LTN1: variants seen among roughly 807,000 people sequenced by gnomAD.
LTN1 encodes the protein listerin E3 ubiquitin protein ligase 1, also known as E3 ubiquitin-protein ligase listerin.
Under a neutral mutation model 201.2 loss-of-function variants are expected in LTN1, and 88 were observed. That is an observed-to-expected ratio of 0.44 (90% CI 0.37 to 0.52). The LOEUF is 0.52. Among genes scored for constraint, LTN1 ranks in the 20% least tolerant of loss-of-function variants. LTN1 has a pLI of 0.00. For synonymous variants in LTN1, 645 were observed against 713.5 expected, an observed-to-expected ratio of 0.90 and a Z score of 1.53; for missense variants, 1,752 against 2,038.7, an observed-to-expected ratio of 0.86 and a Z score of 2.71.
At chr21:28,974,351 T>G (rs768892378) in intron 6 of LTN1, among the ~76,000 whole-genome samples, 9 of 152,132 alleles carry the variant, frequency 5.9e-5, no homozygotes, top group Non-Finnish European at 1.2e-4. Flanking sequence ...AATTTTAAAA[T>G]GGACCAAAAA....
intron 26 of LTN1, among the ~76,000 whole-genome samples, chr21:28,936,300 A>C (rs139902640): frequency 0.013 from 1,935 of 152,218 alleles, 55 homozygotes; most frequent in African/African-American, 0.044. Flanking sequence ...AAAAGTTAAT[A>C]GTCTCACCAC....
Position 28,970,598 on chromosome 21 carries a change from G to T in LTN1, c.1129C>A (p.Pro377Thr), listed in dbSNP as rs2084565861. The change falls in exon 8 of 30, where the codon CCA (proline) becomes ACA (threonine). Residue 377 changes from proline (P) to threonine (T), a missense_variant. Coordinates refer to ENST00000361371, the MANE Select transcript of LTN1 (RefSeq NM_015565.3). The stretch of plus-strand genomic sequence containing the variant: ...AAATTTTTGAAGAAATCCAACTTTG[G>T]ATTTGTGATGGACTGAGGGAGCTTG... The part of the protein sequence containing the change: ...ISKLPQSITN[P>T]KLDFFKNFLT... 22 of 1,613,594 alleles carry T rather than the reference G, an allele frequency of 1.4e-5. No homozygotes were observed. Among genetic ancestry groups the T allele is most frequent in the Non-Finnish European group, 1.8e-5 (21 of 1,179,916 alleles).
chr21:28,969,367 C>T, intron 9 of LTN1, 99 bp downstream of exon 9: 1 of 989,066 alleles, frequency 1.0e-6, no homozygotes, highest in Non-Finnish European at 1.4e-6. Flanking sequence ...AAAATTTTTA[C>T]AAGGAAGGCT....
At position 28,928,404 on chromosome 21, in the gene LTN1, A is replaced by G. The variant is rs2084185599; in HGVS notation, c.*2044T>C. 6.6e-6 allele frequency: 1 copy of G among 152,376 alleles called. No individual in the cohort carries two copies. The allele number at this position is 152,376 out of a possible 1,614,324, so 9.4% of individuals were successfully genotyped here. ...TGTACATACATTGGAGCATGTGATAAAAGAGTCAAAAATAAATTTTAAAAT... is the reference window on the plus strand; with the variant it reads ...TGTACATACATTGGAGCATGTGATAGAAGAGTCAAAAATAAATTTTAAAAT... On this transcript the variant is annotated 3_prime_UTR_variant, in exon 30 of 30. Coordinates refer to ENST00000361371, the MANE Select transcript of LTN1 (RefSeq NM_015565.3).
At chr21:28,963,953 T>C (rs1306857087) in intron 11 of LTN1, among the ~76,000 whole-genome samples, 1 of 152,176 alleles carries the variant, frequency 6.6e-6, no homozygotes, top group Non-Finnish European at 1.5e-5. Context: ...ACATGAAGCC[T>C]CAAGATGTGA....
chr21:28,954,344 A>G (rs2084407464), intron 16 of LTN1, among the ~76,000 whole-genome samples: 2 of 152,162 alleles, frequency 1.3e-5, no homozygotes, highest in African/African-American at 4.8e-5. Flanking sequence ...CTTACAAACA[A>G]GACTGATACA....
intron 11 of LTN1, chr21:28,960,957 T>TA (rs1378708191): frequency 3.2e-6 from 1 of 310,142 alleles, no homozygotes; most frequent in Non-Finnish European, 5.9e-6. Flanking sequence ...CTTTTTTTTT[T>TA]AACTTAAAAT....
chr21:28,967,069 T>G lies in LTN1; in HGVS notation c.1422A>C (p.Glu474Asp). The G allele has an allele frequency of 1.2e-6, 2 of 1,614,158 alleles. No individual in the cohort carries two copies. The highest frequency in any genetic ancestry group is 1.7e-6 in the Non-Finnish European group (2 of 1,180,032). The change falls in exon 10 of 30, where the codon GAA becomes GAC. Residue 474 changes from glutamate to aspartate, a missense_variant. Around this residue, in one of 3 missense-constraint regions of LTN1, gnomAD observed 1,211 missense variants for 1,312.8 expected, o/e 0.92. Coordinates refer to ENST00000361371, the MANE Select transcript of LTN1 (RefSeq NM_015565.3). ...LSSWEAKADT[E>D]KDEKTAHNLE... ...AGTTGTGAGCTGTTTTTTCATCTTT[T>G]TCCGTGTCTGCTTTGGCTTCCCAGG...
At chr21:28,985,388 G>C (rs2084690393) in intron 3 of LTN1, among the ~76,000 whole-genome samples, 2 of 151,530 alleles carry the variant, frequency 1.3e-5, no homozygotes, top group African/African-American at 4.9e-5. Flanking sequence ...TTGAACCCAG[G>C]AGACAAGGTT....
At position 28,930,282 on chromosome 21, in the gene LTN1, A is replaced by G; in HGVS notation, c.*166T>C. The stretch of plus-strand genomic sequence containing the variant: ...ACATTTACAAAGCAATCTAAAGTTA[A>G]GTAAACCTGATTTTAGGATTATTAC... On this transcript the variant is annotated 3_prime_UTR_variant, in exon 30 of 30. Coordinates refer to ENST00000361371, the MANE Select transcript of LTN1 (RefSeq NM_015565.3). The G allele has an allele frequency of 2.2e-6, 1 of 448,296 alleles. No homozygotes were observed. Among genetic ancestry groups the G allele is most frequent in the Non-Finnish European group, 4.0e-6 (1 of 247,994 alleles). The allele number at this position is 448,296 out of a possible 1,614,324, so 27.8% of individuals were successfully genotyped here.
intron 26 of LTN1, among the ~76,000 whole-genome samples, chr21:28,935,801 C>T (rs1360132512): frequency 2.0e-5 from 3 of 146,656 alleles, no homozygotes; most frequent in Non-Finnish European, 4.4e-5. Context: ...GATCACGCCA[C>T]TGCACTCCGG....
chr21:28,930,590 T>C, intron 29 of LTN1, 80 bp from the exon 30 acceptor site: 2 of 854,356 alleles, frequency 2.3e-6, no homozygotes, highest in Non-Finnish European at 3.7e-6. Flanking sequence ...CACATACATC[T>C]ATAGTAACCT....
chr21:28,931,679 A>G (rs2084212112), intron 28 of LTN1, among the ~76,000 whole-genome samples: 1 of 152,194 alleles, frequency 6.6e-6, no homozygotes, highest in Non-Finnish European at 1.5e-5. Context: ...TTCCAGCTCT[A>G]CAATATTGGT....
At chr21:28,992,354 T>C (rs1236873710) in intron 1 of LTN1, among the ~76,000 whole-genome samples, 3 of 152,168 alleles carry the variant, frequency 2.0e-5, no homozygotes, top group Non-Finnish European at 4.4e-5. Context: ...GAAGCCACTG[T>C]AGGTAGCAAA....
At position 28,984,677 on chromosome 21, in the gene LTN1, G is replaced by T; in HGVS notation, c.576+15C>A. On this transcript the variant is annotated intron_variant, in intron 4 of 29. Coordinates refer to ENST00000361371, the MANE Select transcript of LTN1 (RefSeq NM_015565.3). ...TAAAAAAAAAAAATAGATTCAGAATGATTCCAGAACTTACACTTGTAATTT... is the reference window on the plus strand; with the variant it reads ...TAAAAAAAAAAAATAGATTCAGAATTATTCCAGAACTTACACTTGTAATTT... The T allele has an allele frequency of 1.9e-6, 3 of 1,560,762 alleles. No homozygotes were observed. The highest frequency in any genetic ancestry group is 1.2e-5 in the South Asian group (1 of 86,388).
At chr21:28,962,530 T>C (rs2084487673) in intron 11 of LTN1, among the ~76,000 whole-genome samples, 1 of 152,212 alleles carries the variant, frequency 6.6e-6, no homozygotes, top group African/African-American at 2.4e-5. Context: ...CAACAAATAT[T>C]GTGTGTGTGT....
At chr21:28,964,590 T>C (rs2084505841) in intron 11 of LTN1, 1 of 1,538,618 alleles carries the variant, frequency 6.5e-7, no homozygotes, top group Non-Finnish European at 8.8e-7. Flanking sequence ...GTCTCTGAGA[T>C]ATGCCAGTAT....
intron 1 of LTN1, among the ~76,000 whole-genome samples, chr21:28,990,448 G>A (rs1568861875): frequency 6.6e-6 from 1 of 152,188 alleles, no homozygotes; most frequent in Non-Finnish European, 1.5e-5. Context: ...TTAAGCATAA[G>A]TTTTTAAATC....
At chr21:28,972,038 G>A (rs1176245231) in intron 6 of LTN1, among the ~76,000 whole-genome samples, 1 of 152,166 alleles carries the variant, frequency 6.6e-6, no homozygotes, top group Non-Finnish European at 1.5e-5. Context: ...TTAATCACCA[G>A]TGTGATAGTA....
Sources: allele counts gnomAD v4.1 joint callset (sites outside exome capture counted in the v4.1 genomes callset), GRCh38; gene constraint gnomAD v4.1.1; regional missense constraint gnomAD v4.1.1; transcripts MANE v1.5; gene names NCBI Gene and HGNC (gene_info 2026-07-23, HGNC 2026-07-21).